The following ARHGEF40 variants were observed in gnomAD, a reference collection of about 807,000 sequenced individuals.
ARHGEF40 encodes the protein Rho guanine nucleotide exchange factor 40.
In ARHGEF40, 98 loss-of-function variants were observed where a neutral mutation model predicts 165.9. The ratio of observed to expected loss-of-function variants is 0.59; its 90% CI spans 0.50 to 0.70. The LOEUF is 0.70. Among genes scored for constraint, ARHGEF40 ranks in the 30% least tolerant of loss-of-function variants. The pLI, the probability that ARHGEF40 is intolerant of heterozygous loss-of-function variation, is 0.00. For synonymous variants in ARHGEF40, 792 were observed against 814.3 expected, an observed-to-expected ratio of 0.97 and a Z score of 0.47; for missense variants, 1,815 against 1,968.0, an observed-to-expected ratio of 0.92 and a Z score of 1.47.
Position 21,075,572 on chromosome 14 carries a change from G to C in ARHGEF40, c.1618+73G>C. ...GCAATTGGGTGGGCTTGGGGACTGG[G>C]GGAGGCAGGGTGGAAAGGAGGTAGG... On this transcript the variant is annotated intron_variant, in intron 4 of 23. Coordinates refer to ENST00000298694, the MANE Select transcript of ARHGEF40 (RefSeq NM_018071.5). The surrounding 1 kb of genome is among the most constrained non-coding windows in gnomAD (Gnocchi z 4.5). 6 of 1,613,902 alleles carry C rather than the reference G, an allele frequency of 3.7e-6. No homozygotes were observed. The highest frequency in any genetic ancestry group is 5.1e-6 in the Non-Finnish European group (6 of 1,180,020).
upstream of ARHGEF40, among the ~76,000 whole-genome samples, chr14:21,070,077 A>C (rs1886562831): frequency 6.6e-6 from 1 of 151,900 alleles, no homozygotes; most frequent in Non-Finnish European, 1.5e-5. This position sits in a 1 kb window ranked among gnomAD's most constrained non-coding sequence, Gnocchi z 4.7. Flanking sequence ...CGGAGAAGAA[A>C]GAAGGTTGCC....
the ARHGEF40 span, among the ~76,000 whole-genome samples, chr14:21,062,226 C>T: frequency 1.3e-4 from 20 of 152,176 alleles, no homozygotes; most frequent in Non-Finnish European, 2.8e-4. Context: ...ACTACAAGAC[C>T]GATTCATGTT....
chr14:21,065,309 C>A (rs1295101271), upstream of ARHGEF40, among the ~76,000 whole-genome samples: 5 of 152,150 alleles, frequency 3.3e-5, no homozygotes. Flanking sequence ...AAGCAGCTGA[C>A]CCCAAGCCTC....
At chr14:21,085,022 T>A (rs1052676111) in intron 18 of ARHGEF40, 99 bp downstream of exon 18, 6 of 1,423,364 alleles carry the variant, frequency 4.2e-6, no homozygotes, top group Non-Finnish European at 4.8e-6. Context: ...AGGTTCAGAA[T>A]CTGCATCATC....
At chr14:21,087,283 C>G (rs1165310695) in intron 20 of ARHGEF40, 37 bp from the exon 21 acceptor site, 1 of 1,595,920 alleles carries the variant, frequency 6.3e-7, no homozygotes, top group African/African-American at 1.3e-5. Context: ...GGCTTTCCCA[C>G]ACCAGCACCC....
the ARHGEF40 span, among the ~76,000 whole-genome samples, chr14:21,065,150 G>A: frequency 4.7e-5 from 7 of 150,526 alleles, no homozygotes; most frequent in Non-Finnish European, 7.4e-5. Flanking sequence ...CAGCCTGGGC[G>A]ATGAGCAAAA....
chr14:21,076,310 C>A (rs1174819718), intron 5 of ARHGEF40, 50 bp from the exon 6 acceptor site: 1 of 1,481,220 alleles, frequency 6.8e-7, no homozygotes, highest in East Asian at 2.3e-5. Context: ...TATCTGCTAT[C>A]CCCCAAAACA....
chr14:21,080,923 C>T lies in ARHGEF40; in HGVS notation c.2547C>T (p.Thr849=). The T allele has an allele frequency of 6.2e-7, 1 of 1,614,214 alleles. No individual in the cohort carries two copies. The highest frequency in any genetic ancestry group is 8.5e-7 in the Non-Finnish European group (1 of 1,180,036). The change falls in exon 13 of 24, where the codon ACC becomes ACT. Residue 849 remains threonine, a synonymous_variant. Coordinates refer to ENST00000298694, the MANE Select transcript of ARHGEF40 (RefSeq NM_018071.5). ...REALALEENA[T]SQKVLDIFEQ... is the part of the protein sequence containing the mutation. Reference sequence around the variant, plus strand: ...CCCTGGCTCTGGAGGAGAATGCCACCTCCCAGAAGGTGCTGGATATCTTTG... The same window carrying T: ...CCCTGGCTCTGGAGGAGAATGCCACTTCCCAGAAGGTGCTGGATATCTTTG...
Position 21,074,847 on chromosome 14 carries a change from C to T in ARHGEF40, c.1117C>T (p.Arg373Trp), listed in dbSNP as rs778668757. ...GGCTGAAGGACCACCTGGTACCCCT[C>T]GGAGAACAGGCAAAGGAAACAGAAG... ...QGAEGPPGTPRRTGKGNRRKK... is the reference protein window; with the variant it reads ...QGAEGPPGTPWRTGKGNRRKK... Residue 373 changes from arginine to tryptophan, a missense_variant, in exon 3 of 24, where the codon CGG (arginine) becomes TGG (tryptophan). Arg to Trp is a moderately radical substitution (Grantham distance 101). Transcript: ENST00000298694. This position sits in a 1 kb window ranked among gnomAD's most constrained non-coding sequence, Gnocchi z 4.8. 7.5e-6 allele frequency: 12 copies of T among 1,609,480 alleles called. No homozygotes were observed. Among genetic ancestry groups the T allele is most frequent in the South Asian group, 2.2e-5 (2 of 90,540 alleles).
chr14:21,067,485 T>C (rs1886331071), upstream of ARHGEF40, among the ~76,000 whole-genome samples: 1 of 152,190 alleles, frequency 6.6e-6, no homozygotes, highest in African/African-American at 2.4e-5. Flanking sequence ...GCCTCTGGCG[T>C]CAGACAGCCT....
chr14:21,075,331 G>C lies in ARHGEF40; in HGVS notation c.1451-1G>C. On this transcript the variant is annotated splice_acceptor_variant, in intron 3 of 23. Transcript: ENST00000298694. LOFTEE classifies it high-confidence loss of function. The surrounding 1 kb of genome is among the most constrained non-coding windows in gnomAD (Gnocchi z 4.5). ...CCATGTTTCTGTCTGTGTCTGTGCA[G>C]GACACACAGGCCCAGAAGGCCCCCT... is the stretch of plus-strand genomic sequence containing the variant. The C allele has an allele frequency of 6.2e-7, 1 of 1,613,940 alleles. No homozygotes were observed. Among genetic ancestry groups the C allele is most frequent in the Non-Finnish European group, 8.5e-7 (1 of 1,179,988 alleles).
rs767162757 is a variant in ARHGEF40 at position 21,074,187 on chromosome 14, A to G, written c.457A>G (p.Ile153Val). 4.3e-6 allele frequency: 7 copies of G among 1,614,024 alleles called. No homozygotes were observed. Among genetic ancestry groups the G allele is most frequent in the South Asian group, 1.1e-5 (1 of 91,084 alleles). ...YLFTPEWLQGINKDRPTGRLS... is the reference protein window; with the variant it reads ...YLFTPEWLQGVNKDRPTGRLS... ...ATTCACACCTGAGTGGCTACAAGGC[A>G]TCAACAAGGACCGGCCAACAGGTCG... Residue 153 changes from isoleucine to valine, a missense_variant, in exon 3 of 24, where the codon ATC (isoleucine) becomes GTC (valine). Ile to Val is a conservative substitution (Grantham distance 29). Transcript: ENST00000298694. The surrounding 1 kb of genome is among the most constrained non-coding windows in gnomAD (Gnocchi z 4.8).
rs1270194513 is a variant in ARHGEF40, at chr14:21,089,032, G to A, written c.*24G>A. 1.6e-5 allele frequency: 11 copies of A among 698,576 alleles called. No individual in the cohort carries two copies. The highest frequency in any genetic ancestry group is 9.0e-5 in the East Asian group (3 of 33,348). The allele number at this position is 698,576 out of a possible 1,614,324, so 43.3% of individuals were successfully genotyped here. On this transcript the variant is annotated 3_prime_UTR_variant, in exon 24 of 24. Coordinates refer to ENST00000298694, the MANE Select transcript of ARHGEF40 (RefSeq NM_018071.5). ...CTTCTAGAGAAGATCCAGAACTTGC[G>A]TGCAGCTTCTCCTCTCAGCACACTT...
At position 21,081,301 on chromosome 14, in the gene ARHGEF40, C is replaced by A. The variant is rs117275609; in HGVS notation, c.2641-208C>A. On this transcript the variant is annotated intron_variant, in intron 13 of 23. Transcript: ENST00000298694. ...CCACTCATAAATGTCGTATGAGTAC[C>A]GGTTATTCTTTTATATAGGCTCTTC... 3.1e-3 allele frequency: 2,494 copies of A among 799,846 alleles called. 18 individuals are homozygous for A. Among genetic ancestry groups the A allele is most frequent in the Non-Finnish European group, 2.6e-3 (1,365 of 519,950 alleles). The allele number at this position is 799,846 out of a possible 1,614,324, so 49.5% of individuals were successfully genotyped here. A position where few individuals can be genotyped will look rare whatever the true frequency, so the allele number is the denominator to read the frequency against.
rs577303023 is a variant in ARHGEF40 at position 21,072,306 on chromosome 14, T to G, written c.4-739T>G. On this transcript the variant is annotated intron_variant, in intron 1 of 23. Transcript: ENST00000298694. This position sits in a 1 kb window ranked among gnomAD's most constrained non-coding sequence, Gnocchi z 4.1. ...AGCTCGAATGCGCACCATCAAGGCCTCCTCCTCCCTTCCCACAAGTTCCTC... is the reference window on the plus strand; with the variant it reads ...AGCTCGAATGCGCACCATCAAGGCCGCCTCCTCCCTTCCCACAAGTTCCTC... Among the ~76,000 whole-genome samples the G allele has an allele frequency of 1.8e-4, 27 of 152,196 alleles. No individual in the cohort carries two copies. Among genetic ancestry groups the G allele is most frequent in the Middle Eastern group, 3.4e-3 (1 of 294 alleles).
upstream of ARHGEF40, among the ~76,000 whole-genome samples, chr14:21,069,534 C>A (rs1886504166): frequency 6.6e-6 from 1 of 152,234 alleles, no homozygotes; most frequent in Non-Finnish European, 1.5e-5. Flanking sequence ...GAAATGCACG[C>A]CCCTACATAA....
rs2139219757 is a variant in ARHGEF40 at position 21,075,415 on chromosome 14, C to T, written c.1534C>T (p.Pro512Ser). 6.2e-7 allele frequency: 1 copy of T among 1,614,228 alleles called. No individual in the cohort carries two copies. Among genetic ancestry groups the T allele is most frequent in the Non-Finnish European group, 8.5e-7 (1 of 1,180,044 alleles). ...GCAGGAAGGAAAAGGGGACAACATT[C>T]CAGAAGAGGCCCTTGCAGTCTCCGT... is the stretch of plus-strand genomic sequence containing the variant. The part of the protein sequence containing the change: ...TVQEGKGDNI[P>S]EEALAVSVSD... The change falls in exon 4 of 24, where the codon CCA becomes TCA. Residue 512 changes from proline to serine, a missense_variant. Pro to Ser is a moderately conservative substitution (Grantham distance 74). Transcript: ENST00000298694. The surrounding 1 kb of genome is among the most constrained non-coding windows in gnomAD (Gnocchi z 4.5).
Position 21,078,210 on chromosome 14 carries a change from G to A in ARHGEF40, c.2068G>A (p.Val690Met). ...AAGGCTATGTCGCCTGTGCCAAGGT[G>A]TGCTGGGCTCGGTACGGCAGGCCAT... ...VVRLCRLCQG[V>M]LGSVRQAIEE... The change falls in exon 9 of 24, where the codon GTG becomes ATG. Residue 690 changes from valine (V) to methionine (M), a missense_variant. Transcript: ENST00000298694. The A allele has an allele frequency of 1.2e-6, 2 of 1,614,036 alleles. No individual in the cohort carries two copies. Among genetic ancestry groups the A allele is most frequent in the Non-Finnish European group, 1.7e-6 (2 of 1,179,968 alleles).
chr14:21,069,725 G>A (rs1220929281), upstream of ARHGEF40, among the ~76,000 whole-genome samples: 11 of 152,030 alleles, frequency 7.2e-5, no homozygotes, highest in Admixed American at 3.9e-4. Flanking sequence ...CAAGCCCCCG[G>A]GGGGTTGGGG....
Sources: gnomAD v4.1 joint callset for allele counts (sites outside exome capture counted in the v4.1 genomes callset) on GRCh38, gnomAD v4.1.1 for gene constraint, Gnocchi (gnomAD v3.1) non-coding constraint, MANE v1.5 for transcripts, NCBI Gene and HGNC (gene_info 2026-07-23, HGNC 2026-07-21) for gene names.